Variants in SSU72 observed in about 807,000 individuals in gnomAD.
The protein encoded by SSU72 is SSU72 homolog, RNA polymerase II CTD phosphatase.
Under a neutral mutation model 22.7 loss-of-function variants are expected in SSU72, and 12 were observed. That is an observed-to-expected ratio of 0.53 (90% CI 0.34 to 0.86). The LOEUF is 0.86. SSU72 is among the 40% of genes least tolerant of loss of function. The pLI is 0.02. For missense variants in SSU72, 151 were observed against 249.8 expected (o/e 0.60, Z 2.67); for synonymous variants, 116 against 98.3 (o/e 1.18, Z -1.06).
chr1:1,567,355 A>C (rs536333648), intron 1 of SSU72, among the ~76,000 whole-genome samples: 54 of 152,338 alleles, frequency 3.5e-4, no homozygotes, highest in Middle Eastern at 3.4e-3. Context: ...CCGGCTCTCC[A>C]AACATCTACC....
chr1:1,548,713 C>T (rs554694552), intron 2 of SSU72, among the ~76,000 whole-genome samples: 128 of 152,316 alleles, frequency 8.4e-4, no homozygotes, highest in Non-Finnish European at 1.6e-3. Flanking sequence ...AAGGTAGCTC[C>T]GCTCACCCAC....
intron 2 of SSU72, among the ~76,000 whole-genome samples, chr1:1,553,550 C>A (rs896919016): frequency 2.5e-4 from 36 of 146,400 alleles, no homozygotes; most frequent in African/African-American, 9.0e-4. Context: ...CTGAGGCCAG[C>A]AGATCATAAG....
chr1:1,570,943 C>T (rs1570401676), intron 1 of SSU72, among the ~76,000 whole-genome samples: 2 of 149,086 alleles, frequency 1.3e-5, no homozygotes, highest in South Asian at 2.1e-4. Flanking sequence ...AACCCCATCT[C>T]TACTAAAAAT....
chr1:1,574,063 A>T (rs573742599), intron 1 of SSU72, among the ~76,000 whole-genome samples: 2 of 151,024 alleles, frequency 1.3e-5, no homozygotes, highest in African/African-American at 4.9e-5. Context: ...ACACAAATCC[A>T]TGGCATTAAA....
intron 1 of SSU72, among the ~76,000 whole-genome samples, chr1:1,573,429 CAAAAAAAAAAAAA>C (rs56930035): frequency 7.4e-5 from 8 of 107,452 alleles, no homozygotes; most frequent in Non-Finnish European, 2.0e-4. Flanking sequence ...GACTCTGTCT[CAAAAAAAAAAAAA>C]AAAAAAAAAA....
intron 1 of SSU72, 106 bp downstream of exon 1, chr1:1,574,372 G>A (rs1159432441): frequency 3.2e-5 from 40 of 1,260,724 alleles, no homozygotes; most frequent in Non-Finnish European, 4.2e-5. Context: ...GCGCGGCCCG[G>A]CCCGGCTTCC....
chr1:1,551,681 A>G (rs930098055), intron 2 of SSU72, among the ~76,000 whole-genome samples: 2 of 152,180 alleles, frequency 1.3e-5, no homozygotes, highest in African/African-American at 4.8e-5. Flanking sequence ...CGATTCGCGG[A>G]CGCCAACGGC....
At chr1:1,574,411 G>C in intron 1 of SSU72, 67 bp downstream of exon 1, 1 of 1,506,508 alleles carries the variant, frequency 6.6e-7, no homozygotes, top group Non-Finnish European at 9.0e-7. Context: ...GGGCCAGGGG[G>C]AACCGGGGAG....
At chr1:1,545,112 C>G (rs565121510) in intron 2 of SSU72, 110 bp from the exon 3 acceptor site, 26 of 1,351,922 alleles carry the variant, frequency 1.9e-5, no homozygotes, top group East Asian at 6.9e-5. Context: ...CAGAGGCAGC[C>G]GGGACGAAGG....
At chr1:1,556,280 G>A (rs1642519708) in intron 2 of SSU72, among the ~76,000 whole-genome samples, 1 of 152,112 alleles carries the variant, frequency 6.6e-6, no homozygotes, top group Non-Finnish European at 1.5e-5. Context: ...AAAATACAAA[G>A]AATTAGCCAG....
At chr1:1,570,385 C>T (rs923994306) in intron 1 of SSU72, among the ~76,000 whole-genome samples, 1 of 151,844 alleles carries the variant, frequency 6.6e-6, no homozygotes, top group Non-Finnish European at 1.5e-5. Flanking sequence ...ACCCTGCCGA[C>T]CAGAGGCCAG....
chr1:1,563,796 G>C (rs1292223768), intron 2 of SSU72: 1 of 152,272 alleles, frequency 6.6e-6, no homozygotes, highest in African/African-American at 2.4e-5. Context: ...ATGTTGCAGT[G>C]AGTCTGCAGT....
chr1:1,552,987 C>T (rs1024630794), intron 2 of SSU72, among the ~76,000 whole-genome samples: 2 of 145,916 alleles, frequency 1.4e-5, no homozygotes, highest in Non-Finnish European at 3.0e-5. Flanking sequence ...CGCCATTGCA[C>T]TCCAGCCTGG....
intron 2 of SSU72, among the ~76,000 whole-genome samples, chr1:1,549,590 C>G (rs7515814): frequency 0.52 from 78,061 of 151,450 alleles, 24,308 homozygotes; most frequent in East Asian, 0.87. Context: ...TATAATCCCA[C>G]CACTTTGGGA....
chr1:1,556,113 T>C (rs1642517209), intron 2 of SSU72, among the ~76,000 whole-genome samples: 1 of 150,686 alleles, frequency 6.6e-6, no homozygotes. Flanking sequence ...CTGGCCAACA[T>C]GGCAAAACCC....
intron 2 of SSU72, chr1:1,545,205 T>C (rs1284983702): frequency 1.0e-5 from 6 of 594,356 alleles, no homozygotes; most frequent in Non-Finnish European, 1.8e-5. Flanking sequence ...AAGTGGGCGA[T>C]GGCAGGTGCT....
At chr1:1,549,243 C>T (rs1296677251) in intron 2 of SSU72, among the ~76,000 whole-genome samples, 3 of 152,052 alleles carry the variant, frequency 2.0e-5, no homozygotes, top group African/African-American at 7.2e-5. Context: ...AGCCTGGGGC[C>T]GGGCACGGTG....
Position 1,543,960 on chromosome 1 carries a change from C to T in SSU72, c.392G>A (p.Cys131Tyr), listed in dbSNP as rs867657264. 6.2e-7 allele frequency: 1 copy of T among 1,613,830 alleles called. No homozygotes were observed. The highest frequency in any genetic ancestry group is 1.3e-5 in the African/African-American group (1 of 75,070). Residue 131 changes from cysteine (C) to tyrosine (Y), a missense_variant, in exon 4 of 5, where the codon TGC becomes TAC. By Grantham distance (194) the Cys-to-Tyr change is radical. Transcript: ENST00000291386. Reference sequence around the variant, plus strand: ...CACATTGACCACGTGCACAGGCTGGCAGGTCTCCTGTTCTCTGGAATTCAG... The same window carrying T: ...CACATTGACCACGTGCACAGGCTGGTAGGTCTCCTGTTCTCTGGAATTCAG... The part of the protein sequence containing the change: ...EDLNSREQET[C>Y]QPVHVVNVDI...
intron 3 of SSU72, 33 bp downstream of exon 3, chr1:1,544,830 G>A (rs756815783): frequency 6.2e-7 from 1 of 1,613,712 alleles, no homozygotes; most frequent in South Asian, 1.1e-5. Flanking sequence ...GAGAGCTGCT[G>A]GAGCCCAGCC....
Sources: allele counts gnomAD v4.1 joint callset (sites outside exome capture counted in the v4.1 genomes callset), GRCh38; gene constraint gnomAD v4.1.1; transcripts MANE v1.5; gene names NCBI Gene and HGNC (gene_info 2026-07-23, HGNC 2026-07-21).